TXNDC5: variants seen among roughly 807,000 people sequenced by gnomAD.
The protein encoded by TXNDC5 is thioredoxin domain-containing protein 5.
A neutral mutation model predicts 52.6 loss-of-function variants in TXNDC5; 44 were observed. The observed-to-expected ratio is 0.84, with a 90% CI of 0.66 to 1.08. The LOEUF (loss-of-function observed/expected upper bound fraction) is 1.08. Among genes scored for constraint, TXNDC5 ranks in the 50% least tolerant of loss-of-function variants. The pLI is 0.00. For synonymous variants in TXNDC5, 241 were observed against 234.4 expected, an observed-to-expected ratio of 1.03 and a Z score of -0.26; for missense variants, 600 against 565.5, an observed-to-expected ratio of 1.06 and a Z score of -0.62.
chr6:7,903,245 A>G (rs144129305), intron 2 of TXNDC5, among the ~76,000 whole-genome samples: 7 of 151,986 alleles, frequency 4.6e-5, no homozygotes, highest in Non-Finnish European at 5.9e-5. Flanking sequence ...ATGCAATACT[A>G]TAAAGCATAG....
intron 4 of TXNDC5, chr6:7,894,687 G>T: frequency 1.0e-6 from 1 of 967,212 alleles, no homozygotes. Context: ...GCTGACAGAG[G>T]GATACAAAGT....
intron 2 of TXNDC5, among the ~76,000 whole-genome samples, chr6:7,901,003 A>T (rs1248995522): frequency 1.3e-5 from 2 of 152,178 alleles, no homozygotes; most frequent in Admixed American, 1.3e-4. Flanking sequence ...TGGCTAGATT[A>T]GGCTTTGAAA....
intron 3 of TXNDC5, 141 bp from the exon 4 acceptor site, chr6:7,895,343 T>C (rs1760331962): frequency 1.4e-6 from 1 of 725,220 alleles, no homozygotes; most frequent in East Asian, 2.8e-5. Flanking sequence ...GATGCTGCTG[T>C]GCTGAGTGAG....
At chr6:7,903,306 T>C (rs991925957) in intron 2 of TXNDC5, among the ~76,000 whole-genome samples, 19 of 152,196 alleles carry the variant, frequency 1.2e-4, no homozygotes, top group Admixed American at 2.6e-4. Flanking sequence ...TTTATCTCCA[T>C]TGATCTGATT....
Position 7,910,667 on chromosome 6 carries a change from C to A in TXNDC5, c.110G>T (p.Arg37Leu), listed in dbSNP as rs935664192. ...GHGGGGRWGA[R>L]AQEAAAAAAD... The stretch of plus-strand genomic sequence containing the variant: ...CGCCGCCGCCGCCGCCTCCTGGGCC[C>A]GGGCGCCCCAGCGCCCGCCGCCGCC... The change falls in exon 1 of 10, where the codon CGG becomes CTG. Residue 37 changes from arginine (R) to leucine (L), a missense_variant. By Grantham distance (102) the Arg-to-Leu change is moderately radical. Coordinates refer to ENST00000379757, the MANE Select transcript of TXNDC5 (RefSeq NM_030810.5). 19 of 1,115,612 alleles carry A rather than the reference C, an allele frequency of 1.7e-5. 1 individual carries two copies. The African/African-American group carries it at 2.7e-4, about 16-fold the overall frequency. The allele number at this position is 1,115,612 out of a possible 1,614,324, so 69.1% of individuals were successfully genotyped here.
chr6:7,887,481 C>T (rs1015185815), intron 7 of TXNDC5, among the ~76,000 whole-genome samples: 4 of 135,170 alleles, frequency 3.0e-5, no homozygotes, highest in East Asian at 2.4e-4. Flanking sequence ...GAATCAGACT[C>T]GCCTCGGACC....
At chr6:7,891,211 G>C (rs1760178618) in intron 5 of TXNDC5, among the ~76,000 whole-genome samples, 1 of 152,170 alleles carries the variant, frequency 6.6e-6, no homozygotes, top group East Asian at 1.9e-4. Context: ...TGCAAACTGA[G>C]GGAGGGTCTT....
In TXNDC5 at chr6:7,891,693, G is replaced by A. The variant is rs537127488; in HGVS notation, c.660C>T (p.Cys220=). The A allele has an allele frequency of 6.2e-7, 1 of 1,613,966 alleles. No individual in the cohort carries two copies. The highest frequency in any genetic ancestry group is 1.1e-5 in the South Asian group (1 of 91,070). The change falls in exon 5 of 10, where the codon TGC becomes TGT. Residue 220 remains cysteine, a synonymous_variant. Coordinates refer to ENST00000379757, the MANE Select transcript of TXNDC5 (RefSeq NM_030810.5). ...IKFFAPWCGH[C]KALAPTWEQL... ...GCTCCCAGGTTGGAGCCAGGGCTTT[G>A]CAGTGACCACACCACGGAGCGAAGA...
rs201912009 is a variant in TXNDC5 at position 7,885,955 on chromosome 6, A to C, written c.1046+6T>G. 3.8e-4 allele frequency: 610 copies of C among 1,613,644 alleles called. No homozygotes were observed. Among genetic ancestry groups the C allele is most frequent in the Non-Finnish European group, 5.0e-4 (590 of 1,179,890 alleles). ...CAAAGTAGTTTCTAATTAAACAGCC[A>C]CTTACCATGGAGCATAAAACTTGAT... is the stretch of plus-strand genomic sequence containing the variant. On this transcript the variant is annotated splice_donor_region_variant and intron_variant, in intron 8 of 9. Transcript: ENST00000379757.
At position 7,901,219 on chromosome 6, in the gene TXNDC5, A is replaced by G. The variant is rs184981369; in HGVS notation, c.414-1538T>C. On this transcript the variant is annotated intron_variant, in intron 2 of 9. Transcript: ENST00000379757. ...AAGTTCAACATGATAAGCAACTGCA[A>G]CATCTGCGGTATCAAAGATGATTGC... is the stretch of plus-strand genomic sequence containing the variant. 5.5e-3 allele frequency among the ~76,000 whole-genome samples: 834 copies of G among 152,294 alleles called. 9 individuals carry two copies. The highest frequency in any genetic ancestry group is 0.019 in the African/African-American group (809 of 41,572).
At chr6:7,888,213 G>A (rs1760066186) in intron 7 of TXNDC5, among the ~76,000 whole-genome samples, 1 of 152,222 alleles carries the variant, frequency 6.6e-6, no homozygotes. Flanking sequence ...CATCAGGACT[G>A]CCTAGGCAGG....
At chr6:7,889,460 T>C in intron 6 of TXNDC5, 35 bp downstream of exon 6, 1 of 1,584,700 alleles carries the variant, frequency 6.3e-7, no homozygotes, top group Non-Finnish European at 8.7e-7. Flanking sequence ...GGTTAAGAGA[T>C]GAAGAATTCT....
In TXNDC5 at chr6:7,889,669, A is replaced by G. The variant is rs901553773; in HGVS notation, c.733-88T>C. 4.9e-6 allele frequency: 5 copies of G among 1,021,170 alleles called. No individual in the cohort carries two copies. The African/African-American group carries it at 6.4e-5, about 13-fold the overall frequency. The allele number at this position is 1,021,170 out of a possible 1,614,324, so 63.3% of individuals were successfully genotyped here. A position where few individuals can be genotyped will look rare whatever the true frequency, so the allele number is the denominator to read the frequency against. On this transcript the variant is annotated intron_variant, in intron 5 of 9. Coordinates refer to ENST00000379757, the MANE Select transcript of TXNDC5 (RefSeq NM_030810.5). ...CTACTGGACACTTTGTACGTTACAAATATTCTTTTCAAAATCCACATTCTG... is the reference window on the plus strand; with the variant it reads ...CTACTGGACACTTTGTACGTTACAAGTATTCTTTTCAAAATCCACATTCTG...
intron 1 of TXNDC5, among the ~76,000 whole-genome samples, chr6:7,906,386 A>C (rs1039029692): frequency 7.9e-5 from 12 of 151,922 alleles, no homozygotes; most frequent in Non-Finnish European, 1.3e-4. Flanking sequence ...AAATACAAAA[A>C]TTAGCTGGGC....
chr6:7,898,843 A>G (rs577003356), intron 3 of TXNDC5, among the ~76,000 whole-genome samples: 2 of 152,336 alleles, frequency 1.3e-5, no homozygotes, highest in African/African-American at 4.8e-5. Context: ...AATCCTTTTT[A>G]GTACATAATA....
rs779387015 is a variant in TXNDC5 at position 7,891,609 on chromosome 6, G to A, written c.732+12C>T. The A allele has an allele frequency of 6.2e-7, 1 of 1,608,096 alleles. No individual in the cohort carries two copies. The highest frequency in any genetic ancestry group is 8.5e-7 in the Non-Finnish European group (1 of 1,174,910). The stretch of plus-strand genomic sequence containing the variant: ...GCAGTCCATTTCCAGTTTAATAAGG[G>A]CTTTCACTCACCTTGCCAATCTTGA... On this transcript the variant is annotated intron_variant, in intron 5 of 9. Coordinates refer to ENST00000379757, the MANE Select transcript of TXNDC5 (RefSeq NM_030810.5).
rs947299492 is a variant in TXNDC5, at chr6:7,881,814, C to G, written c.*1330G>C. On this transcript the variant is annotated 3_prime_UTR_variant, in exon 10 of 10. Coordinates refer to ENST00000379757, the MANE Select transcript of TXNDC5 (RefSeq NM_030810.5). ...TTTCTAAGATTCCTACCACCAGTTA[C>G]TTTGGGCCAAGTATCCACATCCCCT... The G allele has an allele frequency of 6.6e-5, 10 of 152,250 alleles. No individual in the cohort carries two copies. The highest frequency in any genetic ancestry group is 2.4e-4 in the African/African-American group (10 of 41,468). The allele number at this position is 152,250 out of a possible 1,614,324, so 9.4% of individuals were successfully genotyped here.
chr6:7,894,987 C>G (rs1354062585), intron 4 of TXNDC5, 119 bp downstream of exon 4: 5 of 1,463,766 alleles, frequency 3.4e-6, no homozygotes, highest in Middle Eastern at 1.8e-4. Flanking sequence ...CTAGAGTGAC[C>G]CTTTGTCAGT....
chr6:7,894,954 GAACAACGGTCCC>G, intron 4 of TXNDC5, 140 bp downstream of exon 4: 2 of 1,431,186 alleles, frequency 1.4e-6, no homozygotes, highest in Non-Finnish European at 1.8e-6. Context: ...GAGGTGCACT[GAACAACGGTCCC>G]AACAGCTCCT....
Sources: allele counts gnomAD v4.1 joint callset (sites outside exome capture counted in the v4.1 genomes callset), GRCh38; gene constraint gnomAD v4.1.1; transcripts MANE v1.5; gene names NCBI Gene and HGNC (gene_info 2026-07-23, HGNC 2026-07-21).